Variants in WSCD2 observed in about 807,000 individuals in gnomAD.
WSCD2 encodes the protein WSC domain sialate O sulfotransferase 2.
A neutral mutation model predicts 55.7 loss-of-function variants in WSCD2; 28 were observed. That is an observed-to-expected ratio of 0.50 (90% CI 0.37 to 0.69). The LOEUF is 0.69. Ranked by LOEUF, WSCD2 falls within the 30% of genes least tolerant of loss-of-function variation. WSCD2 has a pLI of 0.00. For missense variants in WSCD2, 616 were observed against 762.1 expected (o/e 0.81, Z 2.26); for synonymous variants, 301 against 301.9 (o/e 1.00, Z 0.03).
chr12:108,221,514 C>T (rs547482576), intron 4 of WSCD2, among the ~76,000 whole-genome samples: 1 of 152,322 alleles, frequency 6.6e-6, no homozygotes, highest in Admixed American at 6.5e-5. Context: ...CAAGATTGCA[C>T]CACTGCACTC....
At position 108,201,513 on chromosome 12, in the gene WSCD2, T is replaced by G. The variant is rs1474576292; in HGVS notation, c.383-4776T>G. ...ACTTCAACATGTCATTTTGTTGGGG[T>G]GTGGGTGGGGGGCGGGACAGGGCAC... On this transcript the variant is annotated intron_variant, in intron 2 of 8. Transcript: ENST00000547525. Among the ~76,000 whole-genome samples, 243 of 70,550 alleles carry G rather than the reference T, an allele frequency of 3.4e-3. 1 individual carries two copies. Among genetic ancestry groups the G allele is most frequent in the Non-Finnish European group, 6.4e-3 (200 of 31,434 alleles). 46.3% of individuals were successfully genotyped at this position (70,550 alleles called of 152,430 possible).
intron 1 of WSCD2, among the ~76,000 whole-genome samples, chr12:108,187,943 A>G (rs1456857400): frequency 6.6e-6 from 1 of 152,196 alleles, no homozygotes; most frequent in Non-Finnish European, 1.5e-5. Flanking sequence ...CAACAAGCGA[A>G]GATGGCTGTA....
chr12:108,234,406 C>G (rs969108988), intron 7 of WSCD2, among the ~76,000 whole-genome samples: 27 of 152,212 alleles, frequency 1.8e-4, no homozygotes, highest in African/African-American at 5.8e-4. Flanking sequence ...TGAAGAGGGA[C>G]AGGCTAATGG....
chr12:108,224,980 G>A, intron 5 of WSCD2, 120 bp downstream of exon 5: 1 of 1,406,808 alleles, frequency 7.1e-7, no homozygotes, highest in Non-Finnish European at 9.5e-7. Context: ...GTCGTTGACT[G>A]GGATCTATGA....
chr12:108,239,703 G>C (rs1335277718), intron 7 of WSCD2, among the ~76,000 whole-genome samples: 2 of 152,054 alleles, frequency 1.3e-5, no homozygotes, highest in African/African-American at 4.8e-5. Context: ...CAGCACCCAA[G>C]CCTTTTCTCT....
At chr12:108,221,180 G>A (rs11615555) in intron 4 of WSCD2, among the ~76,000 whole-genome samples, 101,746 of 151,976 alleles carry the variant, frequency 0.67, 34,438 homozygotes, top group East Asian at 0.71. Context: ...GCATCCGGCT[G>A]ACTGAGTTTT....
intron 5 of WSCD2, 27 bp from the exon 6 acceptor site, chr12:108,226,957 TCTCTTC>T: frequency 6.3e-7 from 1 of 1,597,432 alleles, no homozygotes; most frequent in South Asian, 1.1e-5. Flanking sequence ...ATTTAGCAAC[TCTCTTC>T]CTCTTCTTCT....
At chr12:108,155,850 T>C (rs748791978) in intron 1 of WSCD2, among the ~76,000 whole-genome samples, 24 of 152,150 alleles carry the variant, frequency 1.6e-4, no homozygotes, top group Non-Finnish European at 3.2e-4. Flanking sequence ...TCTGGGAAGA[T>C]GAAGATGATC....
intron 3 of WSCD2, among the ~76,000 whole-genome samples, chr12:108,206,849 C>A (rs1257828760): frequency 3.3e-5 from 5 of 152,190 alleles, no homozygotes; most frequent in Admixed American, 1.3e-4. Context: ...TGAGAGCATG[C>A]AAGGTTGTGA....
chr12:108,185,089 T>C (rs1204844483), intron 1 of WSCD2, among the ~76,000 whole-genome samples: 1 of 152,164 alleles, frequency 6.6e-6, no homozygotes, highest in Non-Finnish European at 1.5e-5. Flanking sequence ...AGGTAAATAT[T>C]TTAGGCTTTG....
chr12:108,217,606 C>T (rs1185926153), intron 4 of WSCD2, among the ~76,000 whole-genome samples: 2 of 152,178 alleles, frequency 1.3e-5, no homozygotes, highest in African/African-American at 2.4e-5. Context: ...CCAACCTTTC[C>T]ACCGGACATC....
At chr12:108,228,357 A>G (rs1449015986) in intron 6 of WSCD2, among the ~76,000 whole-genome samples, 1 of 152,152 alleles carries the variant, frequency 6.6e-6, no homozygotes, top group African/African-American at 2.4e-5. Context: ...TATCATCCCC[A>G]CTTTACAGAT....
At chr12:108,133,123 C>T (rs1395371222) in intron 1 of WSCD2, among the ~76,000 whole-genome samples, 4 of 151,994 alleles carry the variant, frequency 2.6e-5, no homozygotes, top group African/African-American at 9.7e-5. Flanking sequence ...GATCTCTCGA[C>T]ATATACACAG....
intron 1 of WSCD2, among the ~76,000 whole-genome samples, chr12:108,168,955 G>A (rs943950077): frequency 6.6e-6 from 1 of 152,194 alleles, no homozygotes; most frequent in Non-Finnish European, 1.5e-5. Context: ...GTGGGCCAGT[G>A]AACAAAATAT....
At chr12:108,192,136 C>T (rs1279527052) in intron 1 of WSCD2, among the ~76,000 whole-genome samples, 1 of 152,210 alleles carries the variant, frequency 6.6e-6, no homozygotes, top group African/African-American at 2.4e-5. Context: ...GCTGAGGTGG[C>T]AAATGGCTTT....
At chr12:108,214,752 T>C (rs375643813) in intron 4 of WSCD2, among the ~76,000 whole-genome samples, 405 of 152,342 alleles carry the variant, frequency 2.7e-3, no homozygotes, top group African/African-American at 9.3e-3. Context: ...CAGGGATGTG[T>C]ACTTTTTTCC....
chr12:108,209,598 G>T (rs1298961385), intron 3 of WSCD2, among the ~76,000 whole-genome samples: 4 of 151,992 alleles, frequency 2.6e-5, no homozygotes, highest in African/African-American at 9.7e-5. Context: ...GATGGTCCCT[G>T]GGTGTTCCTG....
chr12:108,178,826 C>T (rs1172999072), intron 1 of WSCD2, among the ~76,000 whole-genome samples: 1 of 152,256 alleles, frequency 6.6e-6, no homozygotes. Flanking sequence ...AGGATGTCAA[C>T]GTATTAATTT....
At chr12:108,227,433 A>C (rs1339916068) in intron 6 of WSCD2, among the ~76,000 whole-genome samples, 1 of 152,212 alleles carries the variant, frequency 6.6e-6, no homozygotes, top group East Asian at 1.9e-4. Context: ...ATGAGAAGAG[A>C]GACTGAGTCT....
Sources: allele counts gnomAD v4.1 joint callset (sites outside exome capture counted in the v4.1 genomes callset), GRCh38; gene constraint gnomAD v4.1.1; transcripts MANE v1.5; gene names NCBI Gene and HGNC (gene_info 2026-07-23, HGNC 2026-07-21).